FAM184B: variants seen among roughly 807,000 people sequenced by gnomAD.
The protein encoded by FAM184B is family with sequence similarity 184 member B.
FAM184B carries 111 observed loss-of-function variants against 135.9 expected under a neutral mutation model. The ratio of observed to expected loss-of-function variants is 0.82; its 90% CI spans 0.70 to 0.96. The LOEUF (loss-of-function observed/expected upper bound fraction) is 0.96, where lower values mean the gene tolerates loss of function less well. Ranked by LOEUF, FAM184B falls within the 40% of genes least tolerant of loss-of-function variation. FAM184B has a pLI of 0.00. For synonymous variants in FAM184B, 552 were observed against 524.8 expected (o/e 1.05, Z -0.71); for missense variants, 1,375 against 1,323.9 (o/e 1.04, Z -0.60).
intron 16 of FAM184B, among the ~76,000 whole-genome samples, chr4:17,634,565 C>A (rs1196423261): frequency 6.6e-6 from 1 of 152,104 alleles, no homozygotes; most frequent in East Asian, 1.9e-4. Flanking sequence ...CTCAAGTGAT[C>A]CACCCACCTC....
chr4:17,632,526 G>C lies in FAM184B; in HGVS notation c.*6C>G, dbSNP rs1714986272. On this transcript the variant is annotated 3_prime_UTR_variant, in exon 18 of 18. Coordinates refer to ENST00000265018, the MANE Select transcript of FAM184B (RefSeq NM_015688.2). ...GTATCCTCTGTGATGTATCCCAAAG[G>C]TTAGCTTAGAAAGAAAAGTACTTGG... 5 of 1,546,354 alleles carry C rather than the reference G, an allele frequency of 3.2e-6. No homozygotes were observed. The highest frequency in any genetic ancestry group is 4.4e-6 in the Non-Finnish European group (5 of 1,142,612).
intron 1 of FAM184B, among the ~76,000 whole-genome samples, chr4:17,730,677 C>T (rs75853727): frequency 5.5e-4 from 84 of 152,070 alleles, no homozygotes; most frequent in African/African-American, 1.6e-3. Context: ...AAAAGCAGAG[C>T]GCCTCTCCTC....
Position 17,781,549 on chromosome 4 carries a change from G to C in FAM184B, c.-250C>G. The C allele has an allele frequency of 2.4e-6, 1 of 412,494 alleles. No individual in the cohort carries two copies. The highest frequency in any genetic ancestry group is 4.2e-5 in the East Asian group (1 of 24,004). 25.6% of individuals were successfully genotyped at this position (412,494 alleles called of 1,614,324 possible). A position where few individuals can be genotyped will look rare whatever the true frequency, so the allele number is the denominator to read the frequency against. ...GGCTCCGCGGGCACCCGCACCCTGC[G>C]GCGAGGCGTCGGCGCCCCGCACGTG... On this transcript the variant is annotated 5_prime_UTR_variant, in exon 1 of 18. Coordinates refer to ENST00000265018, the MANE Select transcript of FAM184B (RefSeq NM_015688.2). This position sits in a 1 kb window ranked among gnomAD's most constrained non-coding sequence, Gnocchi z 6.5.
At chr4:17,670,972 CA>C (rs1394769426) in intron 7 of FAM184B, among the ~76,000 whole-genome samples, 2 of 152,178 alleles carry the variant, frequency 1.3e-5, no homozygotes, top group Non-Finnish European at 2.9e-5. Context: ...ACTCAAAAAT[CA>C]AACTGAGAGG....
At chr4:17,656,366 C>T (rs1442609813) in intron 10 of FAM184B, among the ~76,000 whole-genome samples, 1 of 152,110 alleles carries the variant, frequency 6.6e-6, no homozygotes, top group African/African-American at 2.4e-5. Context: ...CTAGTAAGTG[C>T]CCGGCAGTCC....
chr4:17,759,217 C>T (rs1560194784), intron 1 of FAM184B, among the ~76,000 whole-genome samples: 2 of 152,112 alleles, frequency 1.3e-5, no homozygotes, highest in African/African-American at 2.4e-5. Flanking sequence ...AATTGCATGT[C>T]GAATTGTAAT....
intron 1 of FAM184B, among the ~76,000 whole-genome samples, chr4:17,729,002 A>T (rs1362536976): frequency 6.6e-6 from 1 of 152,174 alleles, no homozygotes. Flanking sequence ...TCCTAGTCAA[A>T]GAAAGGGGTG....
At chr4:17,684,248 A>C (rs976439752) in intron 7 of FAM184B, among the ~76,000 whole-genome samples, 2 of 149,010 alleles carry the variant, frequency 1.3e-5, no homozygotes, top group Non-Finnish European at 3.0e-5. Context: ...TATTCATGAG[A>C]GTATCCTATC....
At chr4:17,638,013 G>A (rs1164813913) in intron 14 of FAM184B, among the ~76,000 whole-genome samples, 1 of 151,826 alleles carries the variant, frequency 6.6e-6, no homozygotes, top group African/African-American at 2.4e-5. Context: ...TGCCTCAGGA[G>A]TGCCCTCACC....
chr4:17,729,281 C>T (rs1250335896), intron 1 of FAM184B, among the ~76,000 whole-genome samples: 1 of 152,232 alleles, frequency 6.6e-6, no homozygotes, highest in African/African-American at 2.4e-5. Context: ...CACCACAGCT[C>T]AAGGAGGCCT....
chr4:17,760,301 T>C (rs1391326101), intron 1 of FAM184B, among the ~76,000 whole-genome samples: 1 of 151,850 alleles, frequency 6.6e-6, no homozygotes, highest in Non-Finnish European at 1.5e-5. Context: ...CCATCTCTAC[T>C]AAAAATACAA....
At position 17,651,537 on chromosome 4, in the gene FAM184B, CAAAAAAAAAAAAA is replaced by C. The variant is rs751455835; in HGVS notation, c.2191+1280_2191+1292del. Among the ~76,000 whole-genome samples the C allele has an allele frequency of 5.8e-4, 25 of 43,118 alleles. 1 individual carries two copies. In the Middle Eastern group the frequency reaches 0.1, roughly 180 times the overall value. The allele number at this position is 43,118 out of a possible 152,430, so 28.3% of individuals were successfully genotyped here. On this transcript the variant is annotated intron_variant, in intron 11 of 17. Transcript: ENST00000265018. ...TGGGCGACAGAGCAAGACTCTGTCT[CAAAAAAAAAAAAA>C]AAAAAAAAAAAAAGAAGAAAAGAAA...
intron 10 of FAM184B, among the ~76,000 whole-genome samples, chr4:17,657,208 T>G (rs1368451240): frequency 6.6e-6 from 1 of 152,244 alleles, no homozygotes; most frequent in Non-Finnish European, 1.5e-5. Context: ...AAAGTCTTCC[T>G]ACAACTTCTA....
intron 15 of FAM184B, 25 bp from the exon 16 acceptor site, chr4:17,635,138 T>C (rs1715087951): frequency 6.6e-7 from 1 of 1,518,918 alleles, no homozygotes; most frequent in African/African-American, 1.4e-5. Flanking sequence ...CAACTGAGTC[T>C]AAATGAGCCT....
At chr4:17,765,822 G>T (rs919473338) in intron 1 of FAM184B, among the ~76,000 whole-genome samples, 3 of 152,196 alleles carry the variant, frequency 2.0e-5, no homozygotes, top group Admixed American at 6.5e-5. Context: ...TGTTCCTTCT[G>T]ATATTCAGAT....
chr4:17,768,834 T>G (rs552875003), intron 1 of FAM184B, among the ~76,000 whole-genome samples: 1 of 152,148 alleles, frequency 6.6e-6, no homozygotes, highest in South Asian at 2.1e-4. Flanking sequence ...GATGGAGTTT[T>G]GCTCTTGTTG....
chr4:17,692,285 G>A (rs1361515953), intron 6 of FAM184B, among the ~76,000 whole-genome samples: 1 of 152,180 alleles, frequency 6.6e-6, no homozygotes, highest in South Asian at 2.1e-4. Context: ...CTTCTTTGCT[G>A]TGCAGCCCCA....
At chr4:17,678,783 A>G (rs80244809) in intron 7 of FAM184B, among the ~76,000 whole-genome samples, 2 of 152,214 alleles carry the variant, frequency 1.3e-5, no homozygotes, top group Non-Finnish European at 2.9e-5. Context: ...AAACTATACT[A>G]TAAGGCCATA....
chr4:17,632,267 G>T lies in FAM184B; in HGVS notation c.*265C>A, dbSNP rs548602384. 41 of 241,734 alleles carry T rather than the reference G, an allele frequency of 1.7e-4. No individual in the cohort carries two copies. The South Asian group carries it at 2.6e-3, about 15-fold the overall frequency. 15.0% of individuals were successfully genotyped at this position (241,734 alleles called of 1,614,324 possible). A position where few individuals can be genotyped will look rare whatever the true frequency, so the allele number is the denominator to read the frequency against. On this transcript the variant is annotated 3_prime_UTR_variant, in exon 18 of 18. Coordinates refer to ENST00000265018, the MANE Select transcript of FAM184B (RefSeq NM_015688.2). ...TTTTTGTATATTTTGTAGAGATGGG[G>T]TTTCACCATATTGGCCAGGCTGGTC...
Sources: allele counts gnomAD v4.1 joint callset (sites outside exome capture counted in the v4.1 genomes callset), GRCh38; gene constraint gnomAD v4.1.1; non-coding constraint Gnocchi (gnomAD v3.1); transcripts MANE v1.5; gene names NCBI Gene and HGNC (gene_info 2026-07-23, HGNC 2026-07-21).